The following CFAP20DC variants were observed in gnomAD, a reference collection of about 807,000 sequenced individuals.
CFAP20DC encodes the protein protein CFAP20DC.
A neutral mutation model predicts 101.7 loss-of-function variants in CFAP20DC; 84 were observed. That is an observed-to-expected ratio of 0.83 (90% CI 0.69 to 0.99). The LOEUF is 0.99. CFAP20DC is among the 50% of genes least tolerant of loss of function. CFAP20DC has a pLI of 0.00. For missense variants in CFAP20DC, 1,007 were observed against 970.3 expected (o/e 1.04, Z -0.50); for synonymous variants, 359 against 351.2 (o/e 1.02, Z -0.25).
chr3:58,730,067 CAGCAG>C (rs1490842609), intron 3 of CFAP20DC, among the ~76,000 whole-genome samples: 4 of 149,028 alleles, frequency 2.7e-5, no homozygotes, highest in African/African-American at 9.9e-5. Flanking sequence ...GCAAGGTTTT[CAGCAG>C]GTGACACAAT....
At chr3:58,768,448 G>A (rs1246269279) in intron 15 of CFAP20DC, among the ~76,000 whole-genome samples, 2 of 152,164 alleles carry the variant, frequency 1.3e-5, no homozygotes, top group Admixed American at 6.5e-5. Context: ...GGAATCTGAG[G>A]TCTTGAAAGT....
chr3:58,863,808 C>T lies in CFAP20DC; in HGVS notation c.1343G>A (p.Cys448Tyr). The change falls in exon 12 of 17, where the codon TGC becomes TAC. Residue 448 changes from cysteine (C) to tyrosine (Y), a missense_variant. By Grantham distance (194) the Cys-to-Tyr change is radical (BLOSUM62 -2). Coordinates refer to ENST00000482387, the MANE Select transcript of CFAP20DC (RefSeq NM_001394063.1). This position sits in a 1 kb window ranked among gnomAD's most constrained non-coding sequence, Gnocchi z 5.9. ...RQSLLLGDDS[C>Y]NPSHLWLEAS... is the part of the protein sequence containing the mutation. The stretch of plus-strand genomic sequence containing the variant: ...TTCCAGCCACAGGTGTGATGGGTTG[C>T]AGGAGTCATCACCCAGAAGTAGAGA... 2 of 1,614,160 alleles carry T rather than the reference C, an allele frequency of 1.2e-6. No individual in the cohort carries two copies. Among genetic ancestry groups the T allele is most frequent in the Non-Finnish European group, 1.7e-6 (2 of 1,180,022 alleles).
rs2080548958 is a variant in CFAP20DC at position 58,874,326 on chromosome 3, TGA to T, written c.716-4019_716-4018del. ...TGGATGATGACAAAGCCTTACTGTG[TGA>T]CTTACTGTGTCCACGCTGGTGCCCC... On this transcript the variant is annotated intron_variant, in intron 7 of 16. Coordinates refer to ENST00000482387, the MANE Select transcript of CFAP20DC (RefSeq NM_001394063.1). This position sits in a 1 kb window ranked among gnomAD's most constrained non-coding sequence, Gnocchi z 5.1. Among the ~76,000 whole-genome samples the T allele has an allele frequency of 6.6e-6, 1 of 152,226 alleles. No individual in the cohort carries two copies. The highest frequency in any genetic ancestry group is 1.5e-5 in the Non-Finnish European group (1 of 68,034).
At chr3:58,960,814 T>A (rs1194902576) in intron 4 of CFAP20DC, among the ~76,000 whole-genome samples, 2 of 152,204 alleles carry the variant, frequency 1.3e-5, no homozygotes, top group African/African-American at 2.4e-5. Context: ...ATGGTAAATA[T>A]AAATAATGAA....
Position 58,941,803 on chromosome 3 carries a change from G to A in CFAP20DC, c.279-4041C>T, listed in dbSNP as rs541508851. 2.8e-3 allele frequency among the ~76,000 whole-genome samples: 427 copies of A among 152,134 alleles called. 1 individual carries two copies. Among genetic ancestry groups the A allele is most frequent in the African/African-American group, 9.5e-3 (395 of 41,506 alleles). ...GATCTCCTGACCTCGTGATCCGCCC[G>A]CCTCGGCCTCCCAAAGTGCTGGGAT... On this transcript the variant is annotated intron_variant, in intron 4 of 16. Coordinates refer to ENST00000482387, the MANE Select transcript of CFAP20DC (RefSeq NM_001394063.1).
intron 13 of CFAP20DC, among the ~76,000 whole-genome samples, chr3:58,842,420 T>C (rs1000483780): frequency 2.6e-5 from 4 of 151,776 alleles, no homozygotes; most frequent in Admixed American, 2.6e-4. Flanking sequence ...ACCTGGAAAA[T>C]CGGGTCACTC....
chr3:58,995,891 G>C (rs1010597365), intron 4 of CFAP20DC, among the ~76,000 whole-genome samples: 5 of 151,976 alleles, frequency 3.3e-5, no homozygotes, highest in Admixed American at 2.6e-4. Context: ...CTATCTATTG[G>C]TTCTTCTGAC....
chr3:59,041,794 T>G (rs778149319), intron 3 of CFAP20DC, among the ~76,000 whole-genome samples: 1 of 152,122 alleles, frequency 6.6e-6, no homozygotes, highest in African/African-American at 2.4e-5. Context: ...TTGAGCAAAT[T>G]AGAAAACCTG....
At chr3:58,939,329 A>T (rs2088170390) in intron 4 of CFAP20DC, among the ~76,000 whole-genome samples, 1 of 152,192 alleles carries the variant, frequency 6.6e-6, no homozygotes, top group East Asian at 1.9e-4. Flanking sequence ...AAAAGGAAAG[A>T]CTACTGGGAT....
intron 5 of CFAP20DC, among the ~76,000 whole-genome samples, chr3:58,921,166 G>C (rs2085325100): frequency 6.6e-6 from 1 of 151,818 alleles, no homozygotes; most frequent in African/African-American, 2.4e-5. Flanking sequence ...TCTAGCTAGT[G>C]ATTTATCACT....
At chr3:58,730,992 A>T (rs1057150040) in intron 3 of CFAP20DC, among the ~76,000 whole-genome samples, 2 of 152,176 alleles carry the variant, frequency 1.3e-5, no homozygotes, top group African/African-American at 4.8e-5. Flanking sequence ...CTCTGCCATG[A>T]CAGGCCCTAA....
At chr3:58,997,007 A>C (rs1202640890) in intron 4 of CFAP20DC, among the ~76,000 whole-genome samples, 2 of 152,022 alleles carry the variant, frequency 1.3e-5, no homozygotes, top group South Asian at 4.2e-4. Context: ...TCCAGGAGGG[A>C]CTCTGGCCTT....
At chr3:58,742,629 A>C in intron 16 of CFAP20DC, 57 bp from the exon 17 acceptor site, 2 of 1,267,638 alleles carry the variant, frequency 1.6e-6, no homozygotes, top group Non-Finnish European at 2.2e-6. Context: ...GGAATCCCCA[A>C]ACAAGGGCAA....
At chr3:58,755,486 A>C (rs1187657601) in intron 15 of CFAP20DC, among the ~76,000 whole-genome samples, 1 of 152,186 alleles carries the variant, frequency 6.6e-6, no homozygotes, top group African/African-American at 2.4e-5. Context: ...AAATAATGTA[A>C]TCACATCATG....
intron 4 of CFAP20DC, among the ~76,000 whole-genome samples, chr3:59,012,119 T>C (rs1029399655): frequency 6.6e-6 from 1 of 152,202 alleles, no homozygotes; most frequent in East Asian, 1.9e-4. Flanking sequence ...ACTGAATAAA[T>C]GATATCATAG....
At chr3:58,853,080 C>A (rs1158784705) in intron 12 of CFAP20DC, among the ~76,000 whole-genome samples, 3 of 152,084 alleles carry the variant, frequency 2.0e-5, no homozygotes, top group Non-Finnish European at 4.4e-5. Flanking sequence ...AATTGATAGA[C>A]CGCTAGCAAG....
chr3:58,842,594 C>T (rs976865399), intron 13 of CFAP20DC, among the ~76,000 whole-genome samples: 1 of 151,938 alleles, frequency 6.6e-6, no homozygotes, highest in Admixed American at 6.6e-5. Context: ...GGGAGGGGCG[C>T]CCGCCATTGC....
intron 4 of CFAP20DC, among the ~76,000 whole-genome samples, chr3:59,028,560 C>T (rs1432087041): frequency 6.6e-6 from 1 of 151,986 alleles, no homozygotes; most frequent in Admixed American, 6.6e-5. Context: ...TATGTATAGT[C>T]AAATAGAAAA....
At chr3:58,749,524 C>T (rs570404125) in intron 16 of CFAP20DC, among the ~76,000 whole-genome samples, 1 of 152,312 alleles carries the variant, frequency 6.6e-6, no homozygotes, top group East Asian at 1.9e-4. Flanking sequence ...GCATCTGCTA[C>T]CCATTTATAT....
Sources: allele counts gnomAD v4.1 joint callset (sites outside exome capture counted in the v4.1 genomes callset), GRCh38; gene constraint gnomAD v4.1.1; non-coding constraint Gnocchi (gnomAD v3.1); transcripts MANE v1.5; gene names NCBI Gene and HGNC (gene_info 2026-07-23, HGNC 2026-07-21).